The following ELMOD1 variants were observed in gnomAD, a reference collection of about 807,000 sequenced individuals.
ELMOD1 encodes ELMO domain containing 1.
A neutral mutation model predicts 46.7 loss-of-function variants in ELMOD1; 21 were observed. That is an observed-to-expected ratio of 0.45 (90% confidence interval 0.32 to 0.65). The LOEUF (loss-of-function observed/expected upper bound fraction) is 0.65. Ranked by LOEUF, ELMOD1 falls within the 30% of genes least tolerant of loss-of-function variation. The pLI is 0.04. For synonymous variants in ELMOD1, 122 were observed against 138.2 expected (o/e 0.88, Z 0.82); for missense variants, 348 against 407.8 (o/e 0.85, Z 1.26).
intron 6 of ELMOD1, chr11:107,643,171 A>C (rs537835924): frequency 1.7e-5 from 3 of 181,002 alleles, no homozygotes; most frequent in Admixed American, 6.3e-5. Flanking sequence ...GTGAAACCCC[A>C]TCCTGACCAA....
In ELMOD1 at chr11:107,604,233, G is replaced by T. The variant is rs114448061; in HGVS notation, c.-86+12824G>T. 8.5e-3 allele frequency among the ~76,000 whole-genome samples: 1,296 copies of T among 152,294 alleles called. 17 individuals carry two copies. The highest frequency in any genetic ancestry group is 0.03 in the African/African-American group (1,234 of 41,542). Reference sequence around the variant, plus strand: ...TATGTATGGATACATACACTGGAGGGACTGTGATAGGGCAAGGGAACCAGG... The same window carrying T: ...TATGTATGGATACATACACTGGAGGTACTGTGATAGGGCAAGGGAACCAGG... On this transcript the variant is annotated intron_variant, in intron 1 of 11. Transcript: ENST00000265840.
chr11:107,650,793 C>CTTT (rs991080673), intron 8 of ELMOD1, 92 bp from the exon 9 acceptor site: 11 of 852,880 alleles, frequency 1.3e-5, no homozygotes, highest in Non-Finnish European at 1.9e-5. Flanking sequence ...ATTACTAAGG[C>CTTT]TTTTTTTTTC....
At position 107,665,040 on chromosome 11, in the gene ELMOD1, A is replaced by G. The variant is rs544435345; in HGVS notation, c.848A>G (p.Glu283Gly). ...TCTCCAACAGGCTATTTGATGCATG[A>G]ATTTCATAAGTTTTGGATCGAAGAG... ...FQQTFCYLMH[E>G]FHKFWIEEDP... Residue 283 changes from glutamate (E) to glycine (G), a missense_variant, in exon 12 of 12, where the codon GAA becomes GGA. By Grantham distance (98) the Glu-to-Gly change is moderately conservative. Coordinates refer to ENST00000265840, the MANE Select transcript of ELMOD1 (RefSeq NM_018712.4). 6.2e-7 allele frequency: 1 copy of G among 1,613,240 alleles called. No individual in the cohort carries two copies. Among genetic ancestry groups the G allele is most frequent in the South Asian group, 1.1e-5 (1 of 90,932 alleles).
At chr11:107,640,812 A>G (rs1387958402) in intron 6 of ELMOD1, among the ~76,000 whole-genome samples, 1 of 152,206 alleles carries the variant, frequency 6.6e-6, no homozygotes. Context: ...AAATTATTCA[A>G]TCTGCATTTG....
intron 2 of ELMOD1, among the ~76,000 whole-genome samples, chr11:107,626,430 T>C (rs1591117447): frequency 7.1e-6 from 1 of 141,488 alleles, no homozygotes; most frequent in South Asian, 2.3e-4. Context: ...GAGGAAAGGG[T>C]ACAATGAATC....
Position 107,611,864 on chromosome 11 carries a change from A to G in ELMOD1, c.-85-6241A>G, listed in dbSNP as rs139141316. Among the ~76,000 whole-genome samples, 539 of 152,262 alleles carry G rather than the reference A, an allele frequency of 3.5e-3. 3 individuals are homozygous for G. Among genetic ancestry groups the G allele is most frequent in the African/African-American group, 0.012 (501 of 41,560 alleles). ...AGAATGGCTATTATTAAGAAGTCCA[A>G]AAACAGCAGATGCTGGCAAGGCTGG... On this transcript the variant is annotated intron_variant, in intron 1 of 11. Coordinates refer to ENST00000265840, the MANE Select transcript of ELMOD1 (RefSeq NM_018712.4).
chr11:107,611,013 A>AAG (rs561902552), intron 1 of ELMOD1, among the ~76,000 whole-genome samples: 4,023 of 150,542 alleles, frequency 0.027, 189 homozygotes, highest in East Asian at 0.18. Flanking sequence ...AAAAAAAAAA[A>AAG]AAAAGAAAAC....
chr11:107,661,219 A>G (rs1866734832), intron 11 of ELMOD1, among the ~76,000 whole-genome samples: 1 of 152,130 alleles, frequency 6.6e-6, no homozygotes, highest in African/African-American at 2.4e-5. Flanking sequence ...CCCCTCCTCT[A>G]CCCTTACCCA....
At chr11:107,662,959 C>A (rs1866769200) in intron 11 of ELMOD1, among the ~76,000 whole-genome samples, 1 of 151,744 alleles carries the variant, frequency 6.6e-6, no homozygotes, top group Non-Finnish European at 1.5e-5. Flanking sequence ...AAACCCCTGG[C>A]CTCAAGTGAT....
intron 1 of ELMOD1, among the ~76,000 whole-genome samples, chr11:107,606,431 T>G (rs1865685894): frequency 6.6e-6 from 1 of 152,202 alleles, no homozygotes; most frequent in Non-Finnish European, 1.5e-5. Context: ...AGGGCAGGCT[T>G]ATTTTGGAGA....
chr11:107,658,391 C>T (rs1866671718), intron 11 of ELMOD1, among the ~76,000 whole-genome samples: 1 of 152,136 alleles, frequency 6.6e-6, no homozygotes. Flanking sequence ...CCCTTACATA[C>T]ATTATCACAG....
At chr11:107,657,675 G>A (rs569069211) in intron 11 of ELMOD1, among the ~76,000 whole-genome samples, 1 of 152,242 alleles carries the variant, frequency 6.6e-6, no homozygotes, top group Admixed American at 6.5e-5. Flanking sequence ...TTAATGCAAG[G>A]TCGTAAACAT....
chr11:107,607,664 CAAACAAACA>C (rs1865708553), intron 1 of ELMOD1, among the ~76,000 whole-genome samples: 1 of 123,664 alleles, frequency 8.1e-6, no homozygotes, highest in African/African-American at 4.9e-5. Context: ...CTAAAACAAA[CAAACAAACA>C]AACAAACAAA....
chr11:107,611,950 A>G lies in ELMOD1; in HGVS notation c.-85-6155A>G, dbSNP rs189995383. ...GTAAATTAGTTCAGCCACTATGGAA[A>G]GCAGTTTGGCAATATCTCAAAGACC... is the stretch of plus-strand genomic sequence containing the variant. On this transcript the variant is annotated intron_variant, in intron 1 of 11. Transcript: ENST00000265840. Among the ~76,000 whole-genome samples, 80 of 152,320 alleles carry G rather than the reference A, an allele frequency of 5.3e-4. 1 individual carries two copies. In the East Asian group the frequency reaches 0.014, roughly 26 times the overall value.
At chr11:107,658,703 G>C (rs1293885161) in intron 11 of ELMOD1, among the ~76,000 whole-genome samples, 2 of 152,262 alleles carry the variant, frequency 1.3e-5, no homozygotes, top group African/African-American at 4.8e-5. Context: ...GGGAGGCCAA[G>C]AAGGGCAGAT....
intron 7 of ELMOD1, 87 bp downstream of exon 7, chr11:107,647,688 A>G (rs1866455891): frequency 7.2e-7 from 1 of 1,387,810 alleles, no homozygotes; most frequent in Admixed American, 2.4e-5. Context: ...ATTAGCTTCA[A>G]AAGGTACTTC....
At chr11:107,631,406 C>A (rs530333110) in intron 4 of ELMOD1, among the ~76,000 whole-genome samples, 174 bp from the exon 5 acceptor site, 6 of 135,876 alleles carry the variant, frequency 4.4e-5, no homozygotes, top group Non-Finnish European at 6.4e-5. Context: ...TACCCCCCCC[C>A]CCATCGTGAA....
intron 11 of ELMOD1, among the ~76,000 whole-genome samples, chr11:107,658,232 T>C (rs1458359357): frequency 1.3e-5 from 2 of 152,170 alleles, no homozygotes; most frequent in Non-Finnish European, 2.9e-5. Context: ...TGCTTTTTTT[T>C]GTTTTGGGGG....
At position 107,635,745 on chromosome 11, in the gene ELMOD1, C is replaced by A. The variant is rs780265801; in HGVS notation, c.400C>A (p.His134Asn). ...REAYDSDNPQ[H>N]EEMLLKLWKF... ...GGCCTATGATTCTGATAATCCCCAA[C>A]ATGAAGAAATGCTTTTGAAGGTTAG... Residue 134 changes from histidine (H) to asparagine (N), a missense_variant, in exon 6 of 12, where the codon CAT becomes AAT. Physicochemically the swap from His to Asn is moderately conservative, Grantham distance 68. Coordinates refer to ENST00000265840, the MANE Select transcript of ELMOD1 (RefSeq NM_018712.4). 5 of 1,613,754 alleles carry A rather than the reference C, an allele frequency of 3.1e-6. No individual in the cohort carries two copies. Among genetic ancestry groups the A allele is most frequent in the Non-Finnish European group, 3.4e-6 (4 of 1,179,760 alleles).
Sources: allele counts gnomAD v4.1 joint callset (sites outside exome capture counted in the v4.1 genomes callset), GRCh38; gene constraint gnomAD v4.1.1; transcripts MANE v1.5; gene names NCBI Gene and HGNC (gene_info 2026-07-23, HGNC 2026-07-21).